Variants in ZNF226 observed in about 807,000 individuals in gnomAD.
ZNF226 encodes Kruppel-associated box protein.
A neutral mutation model predicts 11.4 loss-of-function variants in ZNF226; 6 were observed. The ratio of observed to expected loss-of-function variants is 0.53; its 90% CI spans 0.29 to 1.04. The LOEUF is 1.04. ZNF226 is among the 50% of genes least tolerant of loss of function. ZNF226 has a pLI of 0.08. For missense variants in ZNF226, 1,058 were observed against 956.5 expected (o/e 1.11, Z -1.40); for synonymous variants, 350 against 322.8 (o/e 1.08, Z -0.90).
At chr19:44,175,307 T>TGGACCATCTCTTGGTTTG (rs1440243041) in intron 5 of ZNF226, 191 bp from the exon 6 acceptor site, 4 of 1,406,364 alleles carry the variant, frequency 2.8e-6, no homozygotes, top group Non-Finnish European at 3.7e-6. Flanking sequence ...GGGAGCTTGG[T>TGGACCATCTCTTGGTTTG]GGACCATCTC....
intron 5 of ZNF226, 48 bp from the exon 6 acceptor site, chr19:44,175,450 C>G (rs1970585803): frequency 6.5e-7 from 1 of 1,526,752 alleles, no homozygotes; most frequent in African/African-American, 1.4e-5. Flanking sequence ...AATCTTAAAT[C>G]TTTGAACAAA....
downstream of ZNF226, chr19:44,178,359 C>T (rs894082289): frequency 7.2e-5 from 11 of 152,124 alleles, no homozygotes; most frequent in Non-Finnish European, 1.5e-5. Context: ...TTTTTCAACA[C>T]TGTTAAGGCA....
At chr19:44,196,636 T>G in the ZNF226 span, among the ~76,000 whole-genome samples, 1 of 152,216 alleles carries the variant, frequency 6.6e-6, no homozygotes, top group Non-Finnish European at 1.5e-5. Flanking sequence ...AAGCATCACA[T>G]GTGGACTTTA....
In ZNF226 at chr19:44,176,168, T is replaced by G; in HGVS notation, c.906T>G (p.His302Gln). ...SPVLPVHQKV[H>Q]VGEKLKCDEC... is the part of the protein sequence containing the mutation. Reference sequence around the variant, plus strand: ...TTCTTCCTGTTCATCAGAAAGTACATGTGGGAGAAAAACTTAAGTGTGATG... The same window carrying G: ...TTCTTCCTGTTCATCAGAAAGTACAGGTGGGAGAAAAACTTAAGTGTGATG... Residue 302 changes from histidine (H) to glutamine (Q), a missense_variant, in exon 6 of 6, where the codon CAT becomes CAG. Transcript: ENST00000337433. 1 of 1,614,150 alleles carries G rather than the reference T, an allele frequency of 6.2e-7. No individual in the cohort carries two copies. The highest frequency in any genetic ancestry group is 2.2e-5 in the East Asian group (1 of 44,894).
At chr19:44,175,004 C>G in intron 5 of ZNF226, 3 of 1,611,098 alleles carry the variant, frequency 1.9e-6, no homozygotes, top group South Asian at 1.1e-5. Flanking sequence ...TGTAAAAGCT[C>G]TTTTGCTCTA....
Position 44,172,177 on chromosome 19 carries a change from T to A in ZNF226, c.105T>A (p.Asp35Glu), listed in dbSNP as rs199785716. ...CTGCCCAGAGGAAGCTGTACCGAGA[T>A]GTGATGGTGGAGAACTTTAGGAACC... ...LGPAQRKLYR[D>E]VMVENFRNLL... is the part of the protein sequence containing the mutation. Residue 35 changes from aspartate to glutamate, a missense_variant, in exon 4 of 6, where the codon GAT becomes GAA. Transcript: ENST00000337433. The A allele has an allele frequency of 1.9e-6, 3 of 1,612,630 alleles. No homozygotes were observed. The East Asian group carries it at 6.7e-5, about 36-fold the overall frequency.
rs1305894041 is a variant in ZNF226 at position 44,176,493 on chromosome 19, A to G, written c.1231A>G (p.Arg411Gly). ...GAATTCACATCTTCAATCCCATCAA[A>G]GAGTTCATACAGGAGAGAAACCATA... is the stretch of plus-strand genomic sequence containing the variant. ...SRNSHLQSHQ[R>G]VHTGEKPYKC... is the part of the protein sequence containing the mutation. Residue 411 changes from arginine (R) to glycine (G), a missense_variant, in exon 6 of 6, where the codon AGA becomes GGA. By Grantham distance (125) the Arg-to-Gly change is moderately radical. Coordinates refer to ENST00000337433, the MANE Select transcript of ZNF226 (RefSeq NM_001032373.2). 8 of 1,613,910 alleles carry G rather than the reference A, an allele frequency of 5.0e-6. No homozygotes were observed. In the East Asian group the frequency reaches 1.3e-4, roughly 27 times the overall value.
At chr19:44,179,345 AAAT>A (rs1208670351), downstream of ZNF226, among the ~76,000 whole-genome samples, 2 of 152,204 alleles carry the variant, frequency 1.3e-5, no homozygotes, top group Non-Finnish European at 2.9e-5. Context: ...TTTTATAGTA[AAAT>A]ACTGTTATTT....
At chr19:44,183,397 A>G in the ZNF226 span, among the ~76,000 whole-genome samples, 185 of 152,324 alleles carry the variant, frequency 1.2e-3, no homozygotes, top group Non-Finnish European at 2.2e-3. Context: ...GAATCCTCAT[A>G]CTGAATGTTC....
At position 44,176,977 on chromosome 19, in the gene ZNF226, C is replaced by T. The variant is rs116372639; in HGVS notation, c.1715C>T (p.Ser572Leu). The T allele has an allele frequency of 1.6e-3, 2,597 of 1,613,946 alleles. 30 individuals are homozygous for T. The African/African-American group carries it at 0.029, about 18-fold the overall frequency. Residue 572 changes from serine (S) to leucine (L), a missense_variant, in exon 6 of 6, where the codon TCA (serine) becomes TTA (leucine). Physicochemically the swap from Ser to Leu is moderately radical, Grantham distance 145. Transcript: ENST00000337433. ...EECGQGFNQSSRLQIHQLIHT... is the reference protein window; with the variant it reads ...EECGQGFNQSLRLQIHQLIHT... The stretch of plus-strand genomic sequence containing the variant: ...TGTGGGCAGGGTTTCAATCAGAGCT[C>T]ACGACTTCAGATTCACCAGCTGATC...
the ZNF226 span, among the ~76,000 whole-genome samples, chr19:44,184,277 G>A: frequency 6.6e-6 from 1 of 152,274 alleles, no homozygotes; most frequent in Non-Finnish European, 1.5e-5. Flanking sequence ...AGCTGGCCAT[G>A]TTCATTAGAT....
chr19:44,182,462 G>A (rs963249312), downstream of ZNF226, among the ~76,000 whole-genome samples: 3 of 152,210 alleles, frequency 2.0e-5, no homozygotes, highest in East Asian at 1.9e-4. Flanking sequence ...CCCCAACTGA[G>A]AACCAGTGTT....
chr19:44,178,403 T>G (rs1385897694), downstream of ZNF226: 1 of 152,204 alleles, frequency 6.6e-6, no homozygotes, highest in Admixed American at 6.5e-5. Flanking sequence ...AATGACACAT[T>G]TTTTAGTAGA....
At chr19:44,171,763 A>C (rs1371715030) in intron 3 of ZNF226, among the ~76,000 whole-genome samples, 1 of 152,200 alleles carries the variant, frequency 6.6e-6, no homozygotes, top group South Asian at 2.1e-4. Context: ...CCACCTCAGT[A>C]GGAAGGCAGG....
chr19:44,178,679 G>T (rs181648473), downstream of ZNF226, among the ~76,000 whole-genome samples: 5 of 152,238 alleles, frequency 3.3e-5, no homozygotes, highest in Non-Finnish European at 7.3e-5. Context: ...AAGTTAGTAT[G>T]TATCAGAATA....
chr19:44,166,052 A>G (rs1229316470), intron 2 of ZNF226, among the ~76,000 whole-genome samples: 3 of 152,218 alleles, frequency 2.0e-5, no homozygotes, highest in Non-Finnish European at 4.4e-5. Flanking sequence ...AGTAGGAGGC[A>G]GAGCTAGCAT....
the ZNF226 span, among the ~76,000 whole-genome samples, chr19:44,197,544 T>TA: frequency 6.6e-6 from 1 of 152,198 alleles, no homozygotes; most frequent in Non-Finnish European, 1.5e-5. Flanking sequence ...GAGTAATTTT[T>TA]AAAAAATCAG....
intron 5 of ZNF226, chr19:44,174,374 C>T (rs1056002725): frequency 1.3e-5 from 2 of 152,100 alleles, no homozygotes; most frequent in South Asian, 2.1e-4. Flanking sequence ...GAATAAAATT[C>T]GATTTCCTTA....
intron 2 of ZNF226, among the ~76,000 whole-genome samples, chr19:44,167,523 T>G (rs1408880811): frequency 2.6e-5 from 4 of 152,016 alleles, no homozygotes; most frequent in African/African-American, 9.7e-5. Context: ...TTCCACCATG[T>G]TTGCCAGGCT....
Sources: gnomAD v4.1 joint callset for allele counts (sites outside exome capture counted in the v4.1 genomes callset) on GRCh38, gnomAD v4.1.1 for gene constraint, MANE v1.5 for transcripts, NCBI Gene and HGNC (gene_info 2026-07-23, HGNC 2026-07-21) for gene names.